SNX29: variants seen among roughly 807,000 people sequenced by gnomAD.
SNX29 encodes sorting nexin 29, also known as sorting nexin-29.
A neutral mutation model predicts 102.1 loss-of-function variants in SNX29; 78 were observed. The ratio of observed to expected loss-of-function variants is 0.76; its 90% CI spans 0.64 to 0.92. The LOEUF is 0.92. Ranked by LOEUF, SNX29 falls within the 40% of genes least tolerant of loss-of-function variation. SNX29 has a pLI of 0.00. For synonymous variants in SNX29, 580 were observed against 414.5 expected, an observed-to-expected ratio of 1.40 and a Z score of -4.85; for missense variants, 1,280 against 1,061.7, an observed-to-expected ratio of 1.21 and a Z score of -2.86.
intron 20 of SNX29, among the ~76,000 whole-genome samples, chr16:12,559,618 CT>C (rs1409271386): frequency 1.3e-5 from 2 of 152,082 alleles, no homozygotes; most frequent in Non-Finnish European, 2.9e-5. Flanking sequence ...GCCACGTGAC[CT>C]TGCACATGGC....
At chr16:12,544,731 C>T (rs62026956) in intron 20 of SNX29, among the ~76,000 whole-genome samples, 17,688 of 152,194 alleles carry the variant, frequency 0.12, 1,345 homozygotes, top group Non-Finnish European at 0.16. Flanking sequence ...GGGGAAACCT[C>T]GGCCCAGAGA....
intron 4 of SNX29, among the ~76,000 whole-genome samples, chr16:12,034,549 C>G (rs1240300384): frequency 6.6e-6 from 1 of 152,204 alleles, no homozygotes; most frequent in African/African-American, 2.4e-5. Context: ...GGATCATGGG[C>G]ATGTCCACAG....
In SNX29 at chr16:12,218,386, T is replaced by TAA. The variant is rs1567323823; in HGVS notation, c.1678+18703_1678+18704insAA. Reference sequence around the variant, plus strand: ...TCCAAAAATGGAATTACAGTCTATGTCAGGAGTTGGGAAACCATGGCCCAT... The same window carrying TAA: ...TCCAAAAATGGAATTACAGTCTATGTAACAGGAGTTGGGAAACCATGGCCCAT... On this transcript the variant is annotated intron_variant, in intron 14 of 20. Transcript: ENST00000566228. Among the ~76,000 whole-genome samples the TAA allele has an allele frequency of 8.0e-4, 122 of 152,294 alleles. 3 individuals are homozygous for TAA. The South Asian group carries it at 0.025, about 31-fold the overall frequency.
intron 13 of SNX29, among the ~76,000 whole-genome samples, chr16:12,180,522 C>T (rs1041377788): frequency 6.0e-5 from 9 of 149,384 alleles, no homozygotes; most frequent in African/African-American, 9.8e-5. Context: ...CTTGCTCTGT[C>T]GCCCAGGCTG....
At chr16:12,131,705 CT>C (rs2054475289) in intron 13 of SNX29, among the ~76,000 whole-genome samples, 2 of 152,296 alleles carry the variant, frequency 1.3e-5, no homozygotes, top group African/African-American at 4.8e-5. Flanking sequence ...ATAAACACGT[CT>C]TGTGGATGTG....
chr16:12,117,508 ACT>A (rs1360283993), intron 11 of SNX29, among the ~76,000 whole-genome samples: 54 of 152,320 alleles, frequency 3.5e-4, no homozygotes, highest in Admixed American at 1.2e-3. Context: ...AGGCAAAAAG[ACT>A]CTATTAAAAA....
chr16:12,560,923 C>A (rs545473064), intron 20 of SNX29: 246 of 201,038 alleles, frequency 1.2e-3, no homozygotes, highest in African/African-American at 5.4e-3. Context: ...AAATAAAGTA[C>A]CTCGTGGTGT....
intron 20 of SNX29, among the ~76,000 whole-genome samples, chr16:12,551,446 C>G (rs750199146): frequency 6.6e-6 from 1 of 152,214 alleles, no homozygotes; most frequent in Non-Finnish European, 1.5e-5. Context: ...ACCCAGCATG[C>G]TTTTAAAAAT....
At chr16:12,107,239 T>A (rs188051875) in intron 11 of SNX29, among the ~76,000 whole-genome samples, 18 of 152,188 alleles carry the variant, frequency 1.2e-4, no homozygotes, top group Admixed American at 6.5e-4. Flanking sequence ...GCCAAGGCGC[T>A]TCAGTTACTA....
intron 14 of SNX29, among the ~76,000 whole-genome samples, chr16:12,250,339 A>G (rs1295969239): frequency 6.6e-6 from 1 of 152,220 alleles, no homozygotes; most frequent in East Asian, 1.9e-4. Context: ...AATGAGTGTC[A>G]GGCAAAGAGA....
chr16:12,389,307 C>G (rs1040382108), intron 16 of SNX29, among the ~76,000 whole-genome samples: 3 of 152,120 alleles, frequency 2.0e-5, no homozygotes, highest in Non-Finnish European at 2.9e-5. Context: ...GAATTGTAGC[C>G]CCCACCATTC....
intron 16 of SNX29, among the ~76,000 whole-genome samples, chr16:12,380,544 C>G (rs1029450472): frequency 7.3e-6 from 1 of 136,528 alleles, no homozygotes; most frequent in African/African-American, 2.7e-5. Flanking sequence ...CACCTACCAC[C>G]CACCATCCAT....
chr16:12,529,675 C>T (rs184461947), intron 20 of SNX29, among the ~76,000 whole-genome samples: 5 of 152,142 alleles, frequency 3.3e-5, no homozygotes, highest in Admixed American at 6.5e-5. Context: ...TTTCCCCCGC[C>T]GCCGCCCCCA....
At chr16:12,568,412 T>TC in intron 20 of SNX29, 94 bp from the exon 21 acceptor site, 1 of 1,521,534 alleles carries the variant, frequency 6.6e-7, no homozygotes, top group Non-Finnish European at 8.9e-7. Context: ...GCCAATCAGA[T>TC]CCCTCCTGCC....
At chr16:12,548,673 A>C (rs748324268) in intron 20 of SNX29, among the ~76,000 whole-genome samples, 1 of 152,284 alleles carries the variant, frequency 6.6e-6, no homozygotes, top group East Asian at 1.9e-4. Flanking sequence ...CAAGAAGTGA[A>C]GTTTAAAGCC....
intron 15 of SNX29, among the ~76,000 whole-genome samples, chr16:12,294,697 A>G (rs1022251290): frequency 2.0e-5 from 3 of 152,036 alleles, no homozygotes; most frequent in African/African-American, 4.8e-5. Context: ...AGACCTGCCT[A>G]TGTCCCCAGG....
chr16:12,266,793 T>C (rs948725410), intron 14 of SNX29, among the ~76,000 whole-genome samples: 5 of 152,076 alleles, frequency 3.3e-5, no homozygotes, highest in African/African-American at 1.2e-4. Context: ...AGATGGAGTC[T>C]TGCTCTGCCA....
At chr16:12,155,377 C>T (rs143915174) in intron 13 of SNX29, among the ~76,000 whole-genome samples, 16 of 152,264 alleles carry the variant, frequency 1.1e-4, no homozygotes, top group African/African-American at 2.6e-4. Context: ...GAGCAGCTCA[C>T]GTGAAGAGCC....
intron 14 of SNX29, among the ~76,000 whole-genome samples, chr16:12,244,826 G>T (rs987849083): frequency 1.3e-5 from 2 of 152,156 alleles, no homozygotes; most frequent in Admixed American, 6.5e-5. Context: ...ACACAGATGT[G>T]CGTTGCTGGC....
Sources: allele counts gnomAD v4.1 joint callset (sites outside exome capture counted in the v4.1 genomes callset), GRCh38; gene constraint gnomAD v4.1.1; transcripts MANE v1.5; gene names NCBI Gene and HGNC (gene_info 2026-07-23, HGNC 2026-07-21).